Variants in CDH11 observed in about 807,000 individuals in gnomAD.
The protein encoded by CDH11 is cadherin 11.
Under a neutral mutation model 67.8 loss-of-function variants are expected in CDH11, and 11 were observed. The observed-to-expected ratio is 0.16, with a 90% CI of 0.10 to 0.27. CDH11 has a LOEUF of 0.27. CDH11 is among the 10% of genes least tolerant of loss of function. CDH11 has a pLI of 1.00. For missense variants in CDH11, 847 were observed against 1,031.2 expected (o/e 0.82, Z 2.45); for synonymous variants, 419 against 400.0 (o/e 1.05, Z -0.57).
chr16:65,027,185 G>C (rs970063596), intron 2 of CDH11, among the ~76,000 whole-genome samples: 2 of 152,152 alleles, frequency 1.3e-5, no homozygotes, highest in African/African-American at 4.8e-5. Flanking sequence ...ATAAAGGAGG[G>C]ACAATTCTGT....
At chr16:65,028,423 T>G (rs912850561) in intron 2 of CDH11, among the ~76,000 whole-genome samples, 1 of 152,084 alleles carries the variant, frequency 6.6e-6, no homozygotes. Flanking sequence ...TTTTTTGGAC[T>G]GACACAGATC....
intron 2 of CDH11, among the ~76,000 whole-genome samples, chr16:65,047,249 C>T (rs1288350558): frequency 2.0e-5 from 3 of 152,124 alleles, no homozygotes; most frequent in African/African-American, 7.2e-5. Flanking sequence ...AGAAAACTGA[C>T]AATAGTGGCT....
chr16:64,986,400 T>TG (rs1393739386), intron 7 of CDH11: 1 of 152,046 alleles, frequency 6.6e-6, no homozygotes. Context: ...GTGAGTTCCA[T>TG]GGGGGTGATT....
intron 8 of CDH11, among the ~76,000 whole-genome samples, chr16:64,979,919 A>G (rs1273581559): frequency 6.6e-6 from 1 of 152,238 alleles, no homozygotes; most frequent in Non-Finnish European, 1.5e-5. Flanking sequence ...ACTCTGCAAC[A>G]TGTATGAACC....
intron 2 of CDH11, among the ~76,000 whole-genome samples, chr16:65,035,178 G>A (rs376483395): frequency 6.6e-6 from 1 of 152,190 alleles, no homozygotes; most frequent in Non-Finnish European, 1.5e-5. Context: ...CCTGTCAATC[G>A]GAGCATCCAG....
chr16:65,012,948 C>T lies in CDH11; in HGVS notation c.-172-7907G>A, dbSNP rs572334649. On this transcript the variant is annotated intron_variant, in intron 2 of 12. Transcript: ENST00000268603. ...AAAAGTCAAGATTCTAGTGATCTAG[C>T]TTAGGTTCTGCTATTGAACCATAGT... 2.0e-5 allele frequency among the ~76,000 whole-genome samples: 3 copies of T among 152,300 alleles called. No homozygotes were observed. The South Asian group carries it at 6.2e-4, about 32-fold the overall frequency.
At chr16:65,050,569 C>A (rs552726862) in intron 2 of CDH11, among the ~76,000 whole-genome samples, 1 of 152,230 alleles carries the variant, frequency 6.6e-6, no homozygotes, top group South Asian at 2.1e-4. Context: ...CCTTACAGTG[C>A]GATCAAGAAC....
chr16:65,020,248 G>A (rs1294960477), intron 2 of CDH11, among the ~76,000 whole-genome samples: 2 of 152,220 alleles, frequency 1.3e-5, no homozygotes, highest in East Asian at 3.8e-4. Context: ...AGCAGTTAAT[G>A]TAGTTTAGTA....
chr16:65,106,584 A>G (rs1475300447), intron 1 of CDH11, among the ~76,000 whole-genome samples: 3 of 152,232 alleles, frequency 2.0e-5, no homozygotes, highest in Admixed American at 6.5e-5. Flanking sequence ...GACATGCAAC[A>G]TACAAGACCT....
At chr16:65,009,537 G>C (rs1482351472) in intron 2 of CDH11, among the ~76,000 whole-genome samples, 1 of 152,102 alleles carries the variant, frequency 6.6e-6, no homozygotes, top group Admixed American at 6.6e-5. Flanking sequence ...GTATTCAGTG[G>C]TAGGGACTTA....
chr16:65,022,244 T>A (rs1403505605), intron 2 of CDH11, among the ~76,000 whole-genome samples: 1 of 150,424 alleles, frequency 6.6e-6, no homozygotes, highest in African/African-American at 2.4e-5. Context: ...AAAACCAATT[T>A]AAAAAAAAAA....
Position 64,946,599 on chromosome 16 carries a change from A to G in CDH11, c.*1004T>C. 1 of 1,033,096 alleles carries G rather than the reference A, an allele frequency of 9.7e-7. No individual in the cohort carries two copies. Among genetic ancestry groups the G allele is most frequent in the Non-Finnish European group, 1.2e-6 (1 of 858,694 alleles). 64.0% of individuals were successfully genotyped at this position (1,033,096 alleles called of 1,614,324 possible). ...ACAAAAAAGCTTTACATGATGTTAC[A>G]GAATCTTGTCTGAAAAAACATTTGT... On this transcript the variant is annotated 3_prime_UTR_variant, in exon 13 of 13. Transcript: ENST00000268603.
intron 2 of CDH11, among the ~76,000 whole-genome samples, chr16:65,029,490 T>C (rs890450621): frequency 4.6e-5 from 7 of 152,120 alleles, no homozygotes; most frequent in Admixed American, 1.3e-4. Flanking sequence ...CCAAGAATAA[T>C]AAAGGTCTTG....
In CDH11 at chr16:64,984,086, A is replaced by G. The variant is rs1241141780; in HGVS notation, c.1000-1785T>C. Among the ~76,000 whole-genome samples, 3 of 152,164 alleles carry G rather than the reference A, an allele frequency of 2.0e-5. No homozygotes were observed. In the East Asian group the frequency reaches 5.8e-4, roughly 29 times the overall value. Reference sequence around the variant, plus strand: ...CTTTGCAGAGGTTTATGTGGGATGTACTTTCCCAGTTTGGCGAGATTCCAA... The same window carrying G: ...CTTTGCAGAGGTTTATGTGGGATGTGCTTTCCCAGTTTGGCGAGATTCCAA... On this transcript the variant is annotated intron_variant, in intron 7 of 12. Coordinates refer to ENST00000268603, the MANE Select transcript of CDH11 (RefSeq NM_001797.4).
At chr16:65,112,380 GTTAT>G (rs1165242485) in intron 1 of CDH11, among the ~76,000 whole-genome samples, 1 of 152,134 alleles carries the variant, frequency 6.6e-6, no homozygotes, top group Non-Finnish European at 1.5e-5. Flanking sequence ...GTAGAATTCT[GTTAT>G]TTCTTTCCCA....
intron 11 of CDH11, among the ~76,000 whole-genome samples, chr16:64,970,514 C>T (rs2071975881): frequency 6.6e-6 from 1 of 152,068 alleles, no homozygotes; most frequent in Non-Finnish European, 1.5e-5. Context: ...GACAATAATG[C>T]CTACCTATGG....
In CDH11 at chr16:65,121,554, G is replaced by C. The variant is rs1038366306; in HGVS notation, c.-298+326C>G. On this transcript the variant is annotated intron_variant, in intron 1 of 12. Transcript: ENST00000268603. This position sits in a 1 kb window ranked among gnomAD's most constrained non-coding sequence, Gnocchi z 4.1. Reference sequence around the variant, plus strand: ...CCGGAGGTCTGCTCTGCAGTCTCTTGCCCCAGCCAGGTACAAACCCCCTCT... The same window carrying C: ...CCGGAGGTCTGCTCTGCAGTCTCTTCCCCCAGCCAGGTACAAACCCCCTCT... Among the ~76,000 whole-genome samples, 1 of 152,164 alleles carries C rather than the reference G, an allele frequency of 6.6e-6. No individual in the cohort carries two copies. The highest frequency in any genetic ancestry group is 1.5e-5 in the Non-Finnish European group (1 of 68,028).
At chr16:65,122,202 G>A, upstream of CDH11, 1 of 532,372 alleles carries the variant, frequency 1.9e-6, no homozygotes, top group Non-Finnish European at 3.3e-6. Flanking sequence ...GAGAGAAGCC[G>A]AGGCTGCGAG....
At chr16:65,101,679 G>C in intron 1 of CDH11, among the ~76,000 whole-genome samples, 1 of 152,016 alleles carries the variant, frequency 6.6e-6, no homozygotes, top group East Asian at 1.9e-4. Flanking sequence ...TCTTCCTCAA[G>C]TGTCAAGGCC....
Sources: gnomAD v4.1 joint callset for allele counts (sites outside exome capture counted in the v4.1 genomes callset) on GRCh38, gnomAD v4.1.1 for gene constraint, Gnocchi (gnomAD v3.1) non-coding constraint, MANE v1.5 for transcripts, NCBI Gene and HGNC (gene_info 2026-07-23, HGNC 2026-07-21) for gene names.